The following ARL15 variants were observed in gnomAD, a reference collection of about 807,000 sequenced individuals.
ARL15 encodes ADP-ribosylation factor-like protein 15.
Under a neutral mutation model 25.2 loss-of-function variants are expected in ARL15, and 19 were observed. That is an observed-to-expected ratio of 0.75 (90% CI 0.53 to 1.10). ARL15 has a LOEUF of 1.10. ARL15 is among the 50% of genes least tolerant of loss of function. The probability of loss-of-function intolerance (pLI) is 0.00; values close to 1 mark genes in which losing one functional copy is unlikely to be tolerated. For missense variants in ARL15, 220 were observed against 246.0 expected, an observed-to-expected ratio of 0.89 and a Z score of 0.71; for synonymous variants, 94 against 86.8, an observed-to-expected ratio of 1.08 and a Z score of -0.46.
At chr5:54,128,653 C>G (rs2112268777) in intron 3 of ARL15, among the ~76,000 whole-genome samples, 1 of 151,544 alleles carries the variant, frequency 6.6e-6, no homozygotes, top group Admixed American at 6.6e-5. Flanking sequence ...GTCATTTAGG[C>G]TTCAACCTAT....
intron 4 of ARL15, among the ~76,000 whole-genome samples, chr5:53,912,693 C>T (rs1023228194): frequency 5.3e-5 from 8 of 152,202 alleles, no homozygotes; most frequent in African/African-American, 1.9e-4. Flanking sequence ...TCCCACATAT[C>T]ATGTGAGGTC....
chr5:53,901,975 G>A (rs1335115255), intron 4 of ARL15, among the ~76,000 whole-genome samples: 5 of 152,302 alleles, frequency 3.3e-5, no homozygotes, highest in African/African-American at 1.2e-4. Context: ...AGCATGAGAG[G>A]AAGAAGCCCC....
At chr5:54,032,049 T>C in intron 4 of ARL15, among the ~76,000 whole-genome samples, 1 of 152,154 alleles carries the variant, frequency 6.6e-6, no homozygotes, top group Non-Finnish European at 1.5e-5. Context: ...AAATACATTT[T>C]CCACCTCATA....
chr5:53,980,907 G>A (rs1164778019), intron 4 of ARL15, among the ~76,000 whole-genome samples: 1 of 152,114 alleles, frequency 6.6e-6, no homozygotes, highest in African/African-American at 2.4e-5. Context: ...CCTGAGCCCA[G>A]GAGTTCAAGG....
At chr5:54,172,031 A>G in intron 1 of ARL15, 103 bp from the exon 2 acceptor site, 2 of 1,376,236 alleles carry the variant, frequency 1.5e-6, no homozygotes, top group East Asian at 4.9e-5. Flanking sequence ...GTAATTGAAT[A>G]AAGTATTACC....
intron 4 of ARL15, among the ~76,000 whole-genome samples, chr5:54,021,291 T>C (rs997011935): frequency 1.7e-4 from 25 of 151,002 alleles, no homozygotes; most frequent in African/African-American, 5.8e-4. Context: ...GCTGAGATCA[T>C]GCCATTGCAC....
chr5:54,097,124 G>A (rs1752312683), intron 4 of ARL15, among the ~76,000 whole-genome samples: 1 of 152,068 alleles, frequency 6.6e-6, no homozygotes, highest in African/African-American at 2.4e-5. Flanking sequence ...AGACCATCCT[G>A]GCCAACATGG....
rs147769235 is a variant in ARL15, at chr5:53,950,357, C to T, written c.463-63644G>A. ...GAAATTGCTAAGAACAGAAAGACGA[C>T]GATGTCATGACGGCTGGTTAACTAT... On this transcript the variant is annotated intron_variant, in intron 4 of 4. Transcript: ENST00000504924. Among the ~76,000 whole-genome samples the T allele has an allele frequency of 4.5e-3, 682 of 151,870 alleles. 6 individuals are homozygous for T. The highest frequency in any genetic ancestry group is 0.016 in the African/African-American group (653 of 41,448).
intron 3 of ARL15, among the ~76,000 whole-genome samples, chr5:54,125,829 G>C (rs921671872): frequency 6.6e-6 from 1 of 152,062 alleles, no homozygotes; most frequent in Non-Finnish European, 1.5e-5. Flanking sequence ...TTTGCAGCTA[G>C]GTAGAAATTC....
intron 4 of ARL15, among the ~76,000 whole-genome samples, chr5:54,035,383 T>C (rs896121264): frequency 6.6e-6 from 1 of 152,212 alleles, no homozygotes; most frequent in African/African-American, 2.4e-5. Context: ...ATTTTAAAAG[T>C]AACTTTAAAA....
chr5:54,191,084 A>G (rs570412208), intron 1 of ARL15, among the ~76,000 whole-genome samples: 1 of 152,214 alleles, frequency 6.6e-6, no homozygotes, highest in African/African-American at 2.4e-5. Context: ...TGAATGGATA[A>G]GCAAAATGTG....
intron 4 of ARL15, among the ~76,000 whole-genome samples, chr5:54,043,999 T>A (rs1254814806): frequency 1.3e-5 from 2 of 152,138 alleles, no homozygotes; most frequent in Non-Finnish European, 2.9e-5. Context: ...AGAGAGCCTA[T>A]CTCAAAACAA....
intron 1 of ARL15, among the ~76,000 whole-genome samples, chr5:54,236,112 T>C (rs769849002): frequency 6.6e-6 from 1 of 152,174 alleles, no homozygotes; most frequent in African/African-American, 2.4e-5. Flanking sequence ...CTGATGATAA[T>C]GCAAGCTGAA....
chr5:54,113,337 ACTGT>A lies in ARL15; in HGVS notation c.323_326del (p.Asp108ValfsTer8), dbSNP rs902495345. ...CTTCTAAATCATCCTCTGAAGAGGC[ACTGT>A]CTAATACAAATATTACCCCTTGAGA... On this transcript the variant is annotated frameshift_variant, in exon 4 of 5. Coordinates refer to ENST00000504924, the MANE Select transcript of ARL15 (RefSeq NM_019087.3). LOFTEE classifies it high-confidence loss of function. The A allele has an allele frequency of 2.5e-6, 4 of 1,613,878 alleles. No homozygotes were observed. The highest frequency in any genetic ancestry group is 1.3e-5 in the African/African-American group (1 of 74,936).
intron 1 of ARL15, among the ~76,000 whole-genome samples, chr5:54,197,847 A>G (rs1339813732): frequency 6.6e-6 from 1 of 152,204 alleles, no homozygotes; most frequent in Non-Finnish European, 1.5e-5. Context: ...CAACAAAAAA[A>G]GAGAATTTAT....
rs77422102 is a variant in ARL15, at chr5:53,976,640, T to G, written c.463-89927A>C. Reference sequence around the variant, plus strand: ...ACTACTCGATGGAGGCATCATTCACTGATATGGGACAAACAGGAAGAGAAA... The same window carrying G: ...ACTACTCGATGGAGGCATCATTCACGGATATGGGACAAACAGGAAGAGAAA... On this transcript the variant is annotated intron_variant, in intron 4 of 4. Coordinates refer to ENST00000504924, the MANE Select transcript of ARL15 (RefSeq NM_019087.3). Among the ~76,000 whole-genome samples the G allele has an allele frequency of 6.9e-3, 1,052 of 152,304 alleles. 11 individuals are homozygous for G. Among genetic ancestry groups the G allele is most frequent in the African/African-American group, 0.024 (1,003 of 41,578 alleles).
chr5:54,080,857 A>G (rs1471335838), intron 4 of ARL15, among the ~76,000 whole-genome samples: 1 of 152,152 alleles, frequency 6.6e-6, no homozygotes, highest in Non-Finnish European at 1.5e-5. Context: ...TCAAGTCTAT[A>G]AGCATCTTAG....
At chr5:53,944,283 G>A (rs949912689) in intron 4 of ARL15, among the ~76,000 whole-genome samples, 2 of 152,144 alleles carry the variant, frequency 1.3e-5, no homozygotes, top group African/African-American at 4.8e-5. Flanking sequence ...GCTTGAGCAA[G>A]AGACTTGGAA....
At chr5:53,898,315 A>C (rs1377728114) in intron 4 of ARL15, among the ~76,000 whole-genome samples, 4 of 152,086 alleles carry the variant, frequency 2.6e-5, no homozygotes, top group African/African-American at 9.7e-5. Context: ...TATCATAGTA[A>C]TCTTGGTTTT....
Sources: allele counts gnomAD v4.1 joint callset (sites outside exome capture counted in the v4.1 genomes callset), GRCh38; gene constraint gnomAD v4.1.1; transcripts MANE v1.5; gene names NCBI Gene and HGNC (gene_info 2026-07-23, HGNC 2026-07-21).